RIMS1: variants seen among roughly 807,000 people sequenced by gnomAD.
RIMS1 encodes the protein regulating synaptic membrane exocytosis 1.
RIMS1 carries 83 observed loss-of-function variants against 214.1 expected under a neutral mutation model. The observed-to-expected ratio is 0.39, with a 90% CI of 0.32 to 0.47. The LOEUF (loss-of-function observed/expected upper bound fraction) is 0.47, where lower values mean the gene tolerates loss of function less well. Among genes scored for constraint, RIMS1 ranks in the 20% least tolerant of loss-of-function variants. RIMS1 has a pLI of 0.99. For missense variants in RIMS1, 2,050 were observed against 2,161.8 expected, an observed-to-expected ratio of 0.95 and a Z score of 1.03; for synonymous variants, 793 against 786.8, an observed-to-expected ratio of 1.01 and a Z score of -0.13.
intron 2 of RIMS1, among the ~76,000 whole-genome samples, chr6:72,036,483 C>A (rs892539638): frequency 1.3e-5 from 2 of 152,136 alleles, no homozygotes; most frequent in Admixed American, 6.6e-5. Flanking sequence ...AAGTACAGTT[C>A]CTGTACCCAA....
chr6:72,291,120 G>A (rs996529546), intron 25 of RIMS1, among the ~76,000 whole-genome samples: 2 of 151,926 alleles, frequency 1.3e-5, no homozygotes, highest in African/African-American at 4.8e-5. Context: ...ATCTGTTTGT[G>A]GCATATTCAT....
chr6:71,933,313 C>T (rs1159430927), intron 1 of RIMS1, among the ~76,000 whole-genome samples: 1 of 152,134 alleles, frequency 6.6e-6, no homozygotes, highest in South Asian at 2.1e-4. Context: ...CATCATCCCA[C>T]TCTTTTCCCC....
chr6:72,105,051 C>A (rs1481885270), intron 4 of RIMS1, among the ~76,000 whole-genome samples: 1 of 152,098 alleles, frequency 6.6e-6, no homozygotes, highest in East Asian at 1.9e-4. Context: ...CCACCTCAGT[C>A]TCCTGAGCAG....
At chr6:72,289,808 A>T (rs577726571) in intron 24 of RIMS1, among the ~76,000 whole-genome samples, 175 of 152,232 alleles carry the variant, frequency 1.1e-3, no homozygotes, top group Non-Finnish European at 2.1e-3. Flanking sequence ...GTATCATTTT[A>T]TTCTTTCTGT....
At chr6:71,922,013 A>G (rs1330815457) in intron 1 of RIMS1, among the ~76,000 whole-genome samples, 1 of 152,162 alleles carries the variant, frequency 6.6e-6, no homozygotes, top group African/African-American at 2.4e-5. Context: ...ACTATATAGA[A>G]TCCAGTGGCA....
intron 4 of RIMS1, among the ~76,000 whole-genome samples, chr6:72,136,369 T>G (rs2041279230): frequency 6.6e-6 from 1 of 152,040 alleles, no homozygotes; most frequent in African/African-American, 2.4e-5. Context: ...TGGTGGAATT[T>G]TATTACTCTT....
At chr6:71,915,425 T>C (rs1310560531) in intron 1 of RIMS1, among the ~76,000 whole-genome samples, 1 of 152,170 alleles carries the variant, frequency 6.6e-6, no homozygotes, top group Non-Finnish European at 1.5e-5. Flanking sequence ...ATGTGTTTGC[T>C]CTGTGTAGGT....
intron 4 of RIMS1, among the ~76,000 whole-genome samples, chr6:72,114,775 A>G (rs1282188666): frequency 1.3e-5 from 2 of 151,662 alleles, no homozygotes; most frequent in Non-Finnish European, 2.9e-5. Context: ...GTATTTTAGG[A>G]TATGTTTCCT....
At chr6:72,212,180 A>C (rs1269699638) in intron 6 of RIMS1, among the ~76,000 whole-genome samples, 4 of 152,088 alleles carry the variant, frequency 2.6e-5, no homozygotes, top group Non-Finnish European at 1.5e-5. Context: ...TTTTAGTGAA[A>C]AGACTACAGT....
rs1012614246 is a variant in RIMS1 at position 72,051,413 on chromosome 6, C to T, written c.246-45536C>T. ...TTACCTAACTCATTTGAAACTGAGG[C>T]CCAGAAGAGTTTGTCTTGTCTGTCC... On this transcript the variant is annotated intron_variant, in intron 2 of 33. Transcript: ENST00000521978. Among the ~76,000 whole-genome samples, 69 of 152,128 alleles carry T rather than the reference C, an allele frequency of 4.5e-4. 1 individual carries two copies. Among genetic ancestry groups the T allele is most frequent in the Admixed American group, 1.6e-3 (25 of 15,274 alleles).
chr6:72,266,361 TCAGTATG>T, intron 22 of RIMS1: 1 of 403,520 alleles, frequency 2.5e-6, no homozygotes, highest in South Asian at 2.2e-5. Flanking sequence ...CAGGAAACCT[TCAGTATG>T]CTGATAATGT....
intron 1 of RIMS1, among the ~76,000 whole-genome samples, chr6:71,956,771 G>A (rs893958528): frequency 1.3e-5 from 2 of 152,098 alleles, no homozygotes; most frequent in South Asian, 2.1e-4. Context: ...TTCCTCTAAG[G>A]AAAGGACTCG....
At chr6:72,318,326 C>T (rs2095935031) in intron 28 of RIMS1, among the ~76,000 whole-genome samples, 1 of 151,694 alleles carries the variant, frequency 6.6e-6, no homozygotes, top group Non-Finnish European at 1.5e-5. Context: ...TTTCATTTCC[C>T]CCCTCCATTA....
chr6:72,030,351 C>T (rs1372937506), intron 2 of RIMS1, among the ~76,000 whole-genome samples: 1 of 151,956 alleles, frequency 6.6e-6, no homozygotes, highest in Non-Finnish European at 1.5e-5. Context: ...AATAAAGAGA[C>T]TTTATCTATA....
intron 1 of RIMS1, among the ~76,000 whole-genome samples, chr6:71,951,331 C>T (rs1583325767): frequency 6.6e-6 from 1 of 152,122 alleles, no homozygotes; most frequent in African/African-American, 2.4e-5. Flanking sequence ...TTCAGAATCA[C>T]CTGATGCTGA....
intron 2 of RIMS1, among the ~76,000 whole-genome samples, chr6:72,022,505 G>A: frequency 6.6e-6 from 1 of 152,116 alleles, no homozygotes; most frequent in Admixed American, 6.6e-5. Flanking sequence ...TAGTATAGAA[G>A]AAAAATATTC....
chr6:72,179,484 T>C, intron 4 of RIMS1, 91 bp from the exon 5 acceptor site: 1 of 1,069,674 alleles, frequency 9.3e-7, no homozygotes, highest in Non-Finnish European at 1.4e-6. Context: ...AAATGAATAC[T>C]GTTCTTTTTT....
At chr6:72,333,238 TTTC>T (rs1217065109) in intron 28 of RIMS1, among the ~76,000 whole-genome samples, 1 of 151,922 alleles carries the variant, frequency 6.6e-6, no homozygotes, top group African/African-American at 2.4e-5. Context: ...TATATGAACT[TTTC>T]TTAATAATTG....
At position 72,237,845 on chromosome 6, in the gene RIMS1, A is replaced by T; in HGVS notation, c.1880A>T (p.Asp627Val). 6.2e-7 allele frequency: 1 copy of T among 1,613,460 alleles called. No individual in the cohort carries two copies. Among genetic ancestry groups the T allele is most frequent in the Admixed American group, 1.7e-5 (1 of 59,992 alleles). Reference protein sequence around the residue: ...GLKVVGGKMTDLGRLGAFITK... With the variant: ...GLKVVGGKMTVLGRLGAFITK... ...CAGGTTGTTGGAGGAAAAATGACTG[A>T]CTTAGGACGACTTGGTGCTTTCATC... Residue 627 changes from aspartate (D) to valine (V), a missense_variant, in exon 9 of 34, where the codon GAC becomes GTC. By Grantham distance (152) the Asp-to-Val change is radical (BLOSUM62 -3). Coordinates refer to ENST00000521978, the MANE Select transcript of RIMS1 (RefSeq NM_014989.7).
Sources: gnomAD v4.1 joint callset for allele counts (sites outside exome capture counted in the v4.1 genomes callset) on GRCh38, gnomAD v4.1.1 for gene constraint, MANE v1.5 for transcripts, NCBI Gene and HGNC (gene_info 2026-07-23, HGNC 2026-07-21) for gene names.